MACF1: variants seen among roughly 807,000 people sequenced by gnomAD.
MACF1 encodes microtubule-actin cross-linking factor 1.
A neutral mutation model predicts 854.8 loss-of-function variants in MACF1; 193 were observed. The observed-to-expected ratio is 0.23, with a 90% confidence interval of 0.20 to 0.25. The LOEUF (loss-of-function observed/expected upper bound fraction) is 0.25, where lower values mean the gene tolerates loss of function less well. Among genes scored for constraint, MACF1 ranks in the 10% least tolerant of loss-of-function variants. The pLI is 1.00. For missense variants in MACF1, 7,722 were observed against 8,929.1 expected, an observed-to-expected ratio of 0.86 and a Z score of 5.45; for synonymous variants, 3,185 against 3,226.7, an observed-to-expected ratio of 0.99 and a Z score of 0.44.
chr1:39,289,859 G>A (rs1645739189), intron 15 of MACF1, among the ~76,000 whole-genome samples: 2 of 151,574 alleles, frequency 1.3e-5, no homozygotes, highest in East Asian at 1.9e-4. Context: ...GCGCCACCAT[G>A]CCCAGCTAAT....
In MACF1 at chr1:39,442,402, T is replaced by C. The variant is rs770844953; in HGVS notation, c.18949-10T>C. 1.2e-6 allele frequency: 2 copies of C among 1,611,900 alleles called. No individual in the cohort carries two copies. The highest frequency in any genetic ancestry group is 4.5e-5 in the East Asian group (2 of 44,876). On this transcript the variant is annotated splice_polypyrimidine_tract_variant and intron_variant, in intron 76 of 100. Coordinates refer to ENST00000564288, the MANE Select transcript of MACF1 (RefSeq NM_001394062.1). ...TATTGAATATTCCCTTTCTGTCTTT[T>C]CCTGAGTAGCACAAACTAGAAGGGG... is the stretch of plus-strand genomic sequence containing the variant.
At chr1:39,373,956 T>C (rs975149847) in intron 52 of MACF1, among the ~76,000 whole-genome samples, 43 of 150,538 alleles carry the variant, frequency 2.9e-4, no homozygotes, top group African/African-American at 7.6e-4. Flanking sequence ...AAATCTAATA[T>C]GAAGGCCAGG....
At chr1:39,218,500 G>C (rs1235039149) in intron 1 of MACF1, among the ~76,000 whole-genome samples, 17 of 152,144 alleles carry the variant, frequency 1.1e-4, no homozygotes, top group Non-Finnish European at 4.4e-5. Context: ...TCATCTTTAA[G>C]ATGATTTTTG....
At chr1:39,412,722 T>C (rs762351918) in intron 58 of MACF1, 2 of 1,613,806 alleles carry the variant, frequency 1.2e-6, no homozygotes, top group Admixed American at 3.3e-5. Flanking sequence ...AGGCTGGTAA[T>C]ACTGAACCAG....
At position 39,485,853 on chromosome 1, in the gene MACF1, G is replaced by A; in HGVS notation, c.*59G>A. 3.4e-6 allele frequency: 5 copies of A among 1,476,512 alleles called. No individual in the cohort carries two copies. The highest frequency in any genetic ancestry group is 1.4e-5 in the African/African-American group (1 of 70,858). 91.5% of individuals were successfully genotyped at this position (1,476,512 alleles called of 1,614,324 possible). A position where few individuals can be genotyped will look rare whatever the true frequency, so the allele number is the denominator to read the frequency against. Reference sequence around the variant, plus strand: ...TTGAATCCTGCTCCATACATTGGGTGTATATTTATTCTGAACGGGAGAAGT... The same window carrying A: ...TTGAATCCTGCTCCATACATTGGGTATATATTTATTCTGAACGGGAGAAGT... On this transcript the variant is annotated 3_prime_UTR_variant, in exon 101 of 101. Transcript: ENST00000564288.
Position 39,442,230 on chromosome 1 carries a change from T to C in MACF1, c.18858T>C (p.Thr6286=), listed in dbSNP as rs1433413397. 3.1e-6 allele frequency: 5 copies of C among 1,610,312 alleles called. No homozygotes were observed. The highest frequency in any genetic ancestry group is 4.2e-6 in the Non-Finnish European group (5 of 1,178,992). Residue 6286 remains threonine (T), a synonymous_variant, in exon 76 of 101, where the codon ACT becomes ACC. Transcript: ENST00000564288. ...GTGAACTGATGTTAAAGAAAGCTAC[T>C]GATGAGACGGACAGAGACATTATAC... ...HQGELMLKKA[T]DETDRDIIRE...
In MACF1 at chr1:39,331,515, A is replaced by T; in HGVS notation, c.4927A>T (p.Ile1643Phe). The T allele has an allele frequency of 6.2e-7, 1 of 1,614,128 alleles. No homozygotes were observed. Among genetic ancestry groups the T allele is most frequent in the Middle Eastern group, 1.6e-4 (1 of 6,062 alleles). ...GGTGGAAGCAATTGAAAAGAGAATA[A>T]TCAGTGAGACAGTTGGACTGAAAAT... ...SVVEAIEKRI[I>F]SETVGLKILE... The change falls in exon 37 of 101, where the codon ATC becomes TTC. Residue 1643 changes from isoleucine to phenylalanine, a missense_variant. By Grantham distance (21) the Ile-to-Phe change is conservative. Coordinates refer to ENST00000564288, the MANE Select transcript of MACF1 (RefSeq NM_001394062.1).
At chr1:39,442,391 T>G in intron 76 of MACF1, 21 bp from the exon 77 acceptor site, 1 of 1,611,272 alleles carries the variant, frequency 6.2e-7, no homozygotes, top group South Asian at 1.1e-5. Flanking sequence ...GAATATTCCC[T>G]TTCTGTCTTT....
chr1:39,452,932 C>T (rs915682583), intron 87 of MACF1, 120 bp downstream of exon 87: 10 of 1,183,914 alleles, frequency 8.4e-6, no homozygotes, highest in Non-Finnish European at 1.2e-5. Flanking sequence ...GGAACAAAAC[C>T]AGAGTGGCCC....
At chr1:39,257,665 C>T in intron 5 of MACF1, 1 of 337,606 alleles carries the variant, frequency 3.0e-6, no homozygotes. Context: ...AAAAGCAAAA[C>T]AAGGAATCAG....
At chr1:39,248,617 TAA>T (rs1645008003) in intron 2 of MACF1, among the ~76,000 whole-genome samples, 1 of 152,158 alleles carries the variant, frequency 6.6e-6, no homozygotes, top group Admixed American at 6.5e-5. Flanking sequence ...TTATAGTAAC[TAA>T]AATTCTACTA....
chr1:39,408,134 G>C (rs1368785334), intron 58 of MACF1, among the ~76,000 whole-genome samples: 1 of 152,152 alleles, frequency 6.6e-6, no homozygotes, highest in Non-Finnish European at 1.5e-5. Flanking sequence ...TTGGCTGTGC[G>C]CAACTATAAA....
At chr1:39,363,552 A>G (rs1316300239) in intron 49 of MACF1, among the ~76,000 whole-genome samples, 1 of 149,616 alleles carries the variant, frequency 6.7e-6, no homozygotes, top group Non-Finnish European at 1.5e-5. Flanking sequence ...CCATACTTTC[A>G]TTGTGTAGAA....
chr1:39,315,809 C>G, intron 27 of MACF1, 118 bp downstream of exon 27: 2 of 1,005,594 alleles, frequency 2.0e-6, no homozygotes, highest in Non-Finnish European at 2.8e-6. Context: ...AGAGCATATA[C>G]TGATAATGAG....
intron 2 of MACF1, among the ~76,000 whole-genome samples, chr1:39,176,049 G>T (rs1644021511): frequency 1.4e-5 from 2 of 142,934 alleles, no homozygotes; most frequent in Admixed American, 1.5e-4. Context: ...GGCGGAGCTT[G>T]CAGTGAGCTG....
At chr1:39,454,863 G>T (rs1191925782) in intron 88 of MACF1, 46 bp from the exon 89 acceptor site, 12 of 1,520,144 alleles carry the variant, frequency 7.9e-6, no homozygotes, top group Non-Finnish European at 9.9e-6. Context: ...AAACAAAGGG[G>T]GTATGCTTGA....
intron 2 of MACF1, among the ~76,000 whole-genome samples, chr1:39,239,786 A>C (rs950805): frequency 0.6 from 90,553 of 152,098 alleles, 29,102 homozygotes; most frequent in South Asian, 0.78. Context: ...AGTTCTTTCC[A>C]TTTTTGTATA....
At chr1:39,454,573 G>C (rs554477220) in intron 88 of MACF1, among the ~76,000 whole-genome samples, 1 of 152,102 alleles carries the variant, frequency 6.6e-6, no homozygotes, top group Non-Finnish European at 1.5e-5. Flanking sequence ...GGCTTGAGGC[G>C]GTCAGATTAC....
At position 39,116,897 on chromosome 1, in the gene MACF1, A is replaced by G. The variant is rs11205652; in HGVS notation, c.220+32459A>G. Among the ~76,000 whole-genome samples the G allele has an allele frequency of 9.3e-3, 1,422 of 152,240 alleles. 28 individuals are homozygous for G. The highest frequency in any genetic ancestry group is 0.033 in the African/African-American group (1,353 of 41,544). ...GAACTCCAGGCCTAGCTTCTTCATT[A>G]GTCTTAACAGGTTAGCTTTACTACT... On this transcript the variant is annotated intron_variant, in intron 2 of 93. Coordinates refer to the MACF1 transcript ENST00000361689.
Sources: allele counts gnomAD v4.1 joint callset (sites outside exome capture counted in the v4.1 genomes callset), GRCh38; gene constraint gnomAD v4.1.1; transcripts MANE v1.5; gene names NCBI Gene and HGNC (gene_info 2026-07-23, HGNC 2026-07-21).